JAK1: variants seen among roughly 807,000 people sequenced by gnomAD.
JAK1 encodes Janus kinase 1, also known as tyrosine-protein kinase JAK1.
JAK1 carries 16 observed loss-of-function variants against 136.6 expected under a neutral mutation model. The ratio of observed to expected loss-of-function variants is 0.12; its 90% CI spans 0.08 to 0.18. JAK1 has a LOEUF of 0.18. Among genes scored for constraint, JAK1 ranks in the 10% least tolerant of loss-of-function variants. The pLI is 1.00. For missense variants in JAK1, 859 were observed against 1,450.1 expected, an observed-to-expected ratio of 0.59 and a Z score of 6.62; for synonymous variants, 492 against 519.5, an observed-to-expected ratio of 0.95 and a Z score of 0.72.
At chr1:64,860,479 A>G (rs950797373) in intron 8 of JAK1, among the ~76,000 whole-genome samples, 1 of 148,930 alleles carries the variant, frequency 6.7e-6, no homozygotes, top group African/African-American at 2.5e-5. Context: ...TTTGAGATGG[A>G]GTTTCACTCT....
chr1:64,857,343 T>C (rs746042152), intron 10 of JAK1, among the ~76,000 whole-genome samples: 2 of 152,250 alleles, frequency 1.3e-5, no homozygotes, highest in Non-Finnish European at 2.9e-5. Context: ...AATGACACTA[T>C]ACTTTCCAAG....
intron 2 of JAK1, chr1:64,973,221 G>A (rs1646468093): frequency 6.9e-6 from 1 of 144,032 alleles, no homozygotes; most frequent in Non-Finnish European, 1.5e-5. Flanking sequence ...AAGAAAGAAA[G>A]GAAAAGAAAG....
At chr1:64,858,479 T>C (rs1656086123) in intron 9 of JAK1, among the ~76,000 whole-genome samples, 1 of 152,240 alleles carries the variant, frequency 6.6e-6, no homozygotes, top group Non-Finnish European at 1.5e-5. Flanking sequence ...CTAGGTACCC[T>C]TTCCGTGCTT....
At chr1:64,955,611 T>C (rs1291921770) in intron 1 of JAK1, among the ~76,000 whole-genome samples, 1 of 152,220 alleles carries the variant, frequency 6.6e-6, no homozygotes, top group African/African-American at 2.4e-5. Context: ...GGAGTTTGGA[T>C]TGTTTTCTAT....
chr1:64,993,594 A>T (rs1305634597), intron 2 of JAK1: 1 of 152,164 alleles, frequency 6.6e-6, no homozygotes, highest in African/African-American at 2.4e-5. Flanking sequence ...TGATGAAAAT[A>T]CAACTTATGC....
At chr1:64,901,246 A>G (rs1174160678) in intron 1 of JAK1, among the ~76,000 whole-genome samples, 1 of 152,220 alleles carries the variant, frequency 6.6e-6, no homozygotes, top group Non-Finnish European at 1.5e-5. Context: ...ACCTCCTTCC[A>G]GAAGTACTCA....
intron 2 of JAK1, chr1:64,985,581 A>T: frequency 1.9e-6 from 2 of 1,050,938 alleles, no homozygotes; most frequent in Non-Finnish European, 2.9e-6. Flanking sequence ...TTCCAGATCA[A>T]AGATCTGGGC....
chr1:64,894,634 G>C (rs552436970), intron 1 of JAK1, among the ~76,000 whole-genome samples: 2 of 152,162 alleles, frequency 1.3e-5, no homozygotes, highest in Admixed American at 1.3e-4. Flanking sequence ...AAGGTTAGCC[G>C]GGCGTGGTGG....
chr1:64,835,061 C>CTAA (rs1654386552), intron 24 of JAK1, among the ~76,000 whole-genome samples: 1 of 151,554 alleles, frequency 6.6e-6, no homozygotes, highest in South Asian at 2.1e-4. Flanking sequence ...ATTATAAATG[C>CTAA]TAATAAGTGG....
chr1:65,048,993 C>A (rs1243908930), intron 1 of JAK1, among the ~76,000 whole-genome samples: 1 of 152,176 alleles, frequency 6.6e-6, no homozygotes, highest in Non-Finnish European at 1.5e-5. Context: ...CACTATCCAC[C>A]CCTAAGGCAA....
In JAK1 at chr1:64,934,813, C is replaced by CA. The variant is rs1189424445; in HGVS notation, c.-78+31519dup. ...ACATTGTATTGTAAATGTCACCCAC[C>CA]AGACTATCCTGGGGGCTATGATTAT... On this transcript the variant is annotated intron_variant, in intron 1 of 24. Transcript: ENST00000342505. 5.9e-5 allele frequency among the ~76,000 whole-genome samples: 9 copies of CA among 152,174 alleles called. 1 individual carries two copies. Among genetic ancestry groups the CA allele is most frequent in the Non-Finnish European group, 1.2e-4 (8 of 68,038 alleles).
intron 1 of JAK1, among the ~76,000 whole-genome samples, chr1:65,051,843 T>C (rs1397053833): frequency 1.3e-5 from 2 of 152,238 alleles, no homozygotes; most frequent in Non-Finnish European, 2.9e-5. Context: ...ATCAGCTTAC[T>C]TTACTCCATT....
At chr1:65,041,027 A>C (rs1647127423) in intron 2 of JAK1, among the ~76,000 whole-genome samples, 2 of 152,150 alleles carry the variant, frequency 1.3e-5, no homozygotes, top group African/African-American at 4.8e-5. Flanking sequence ...AGTGGGTATC[A>C]TCACGGAAAA....
intron 1 of JAK1, among the ~76,000 whole-genome samples, chr1:64,902,583 A>AGAGTGTGTGTGTGTGT: frequency 6.6e-4 from 49 of 73,788 alleles, no homozygotes; most frequent in Admixed American, 3.6e-3. Context: ...AGAGAGAGAG[A>AGAGTGTGTGTGTGTGT]GTGTGTGTGT....
At chr1:64,981,511 A>G (rs1466975177) in intron 2 of JAK1, among the ~76,000 whole-genome samples, 5 of 152,170 alleles carry the variant, frequency 3.3e-5, no homozygotes, top group Non-Finnish European at 5.9e-5. Flanking sequence ...TGATTTGCCT[A>G]GTTTCACAAG....
At chr1:65,036,251 A>G (rs1269691020) in intron 2 of JAK1, among the ~76,000 whole-genome samples, 1 of 152,058 alleles carries the variant, frequency 6.6e-6, no homozygotes, top group Non-Finnish European at 1.5e-5. Context: ...TGGGCAAAAT[A>G]GTGAAACCCC....
At chr1:64,840,926 T>TC (rs1654855751) in intron 19 of JAK1, among the ~76,000 whole-genome samples, 1 of 151,994 alleles carries the variant, frequency 6.6e-6, no homozygotes, top group South Asian at 2.1e-4. Flanking sequence ...CTATACCTAC[T>TC]CCCCCATCTC....
chr1:64,920,513 C>T (rs765177604), intron 1 of JAK1, among the ~76,000 whole-genome samples: 8 of 152,044 alleles, frequency 5.3e-5, no homozygotes, highest in South Asian at 2.1e-4. Flanking sequence ...CACTGCACTC[C>T]TGCCTGGGCG....
chr1:64,838,113 G>C lies in JAK1; in HGVS notation c.2968-9C>G, dbSNP rs748353142. Reference sequence around the variant, plus strand: ...CCCAAATAGTCCATCCCCTGAGAGAGAGAAGTAAAAGTCAAGCACATTGCT... The same window carrying C: ...CCCAAATAGTCCATCCCCTGAGAGACAGAAGTAAAAGTCAAGCACATTGCT... On this transcript the variant is annotated splice_polypyrimidine_tract_variant and intron_variant, in intron 21 of 24. Coordinates refer to ENST00000342505, the MANE Select transcript of JAK1 (RefSeq NM_002227.4). 10 of 1,608,742 alleles carry C rather than the reference G, an allele frequency of 6.2e-6. No individual in the cohort carries two copies. Among genetic ancestry groups the C allele is most frequent in the Admixed American group, 5.1e-5 (3 of 59,270 alleles).
Sources: allele counts gnomAD v4.1 joint callset (sites outside exome capture counted in the v4.1 genomes callset), GRCh38; gene constraint gnomAD v4.1.1; transcripts MANE v1.5; gene names NCBI Gene and HGNC (gene_info 2026-07-23, HGNC 2026-07-21).